Variants in NUDT9 observed in about 807,000 individuals in gnomAD.
The protein encoded by NUDT9 is nudix hydrolase 9, also known as ADP-ribose pyrophosphatase.
A neutral mutation model predicts 41.0 loss-of-function variants in NUDT9; 31 were observed. The observed-to-expected ratio is 0.76, with a 90% CI of 0.57 to 1.02. The LOEUF is 1.02. NUDT9 is among the 50% of genes least tolerant of loss of function. The pLI is 0.00. For missense variants in NUDT9, 380 were observed against 431.4 expected (o/e 0.88, Z 1.06); for synonymous variants, 146 against 147.6 (o/e 0.99, Z 0.08).
At position 87,437,845 on chromosome 4, in the gene NUDT9, T is replaced by C. The variant is rs1313406924; in HGVS notation, c.348-432T>C. 5.3e-5 allele frequency among the ~76,000 whole-genome samples: 8 copies of C among 152,302 alleles called. No homozygotes were observed. The East Asian group carries it at 1.5e-3, about 29-fold the overall frequency. ...TTACTCTGATAAGAATATTAATCAG[T>C]GTGCATTTGAAGAAATTTAAATTAT... On this transcript the variant is annotated intron_variant, in intron 2 of 7. Coordinates refer to ENST00000302174, the MANE Select transcript of NUDT9 (RefSeq NM_024047.5).
At chr4:87,434,689 A>G (rs771184881) in intron 1 of NUDT9, among the ~76,000 whole-genome samples, 5 of 151,460 alleles carry the variant, frequency 3.3e-5, no homozygotes, top group South Asian at 2.1e-4. Flanking sequence ...TTGGAGTGCA[A>G]TGGCGCGATG....
Position 87,437,533 on chromosome 4 carries a change from G to A in NUDT9, c.348-744G>A, listed in dbSNP as rs371684481. The stretch of plus-strand genomic sequence containing the variant: ...TTTTTTGTATTTTTTTAGTAGAGAT[G>A]GGGTTCCACCATGTTAGCCAGGATG... On this transcript the variant is annotated intron_variant, in intron 2 of 7. Transcript: ENST00000302174. Among the ~76,000 whole-genome samples the A allele has an allele frequency of 1.5e-4, 22 of 151,504 alleles. No individual in the cohort carries two copies. In the South Asian group the frequency reaches 1.5e-3, roughly 10 times the overall value.
chr4:87,435,869 A>G (rs547643902), intron 2 of NUDT9, among the ~76,000 whole-genome samples: 2 of 152,378 alleles, frequency 1.3e-5, no homozygotes, highest in East Asian at 1.9e-4. Context: ...TGACATACAT[A>G]TACATTGTGA....
In NUDT9 at chr4:87,435,035, T is replaced by G; in HGVS notation, c.162T>G (p.Ser54=). ...FHLNTNVMSG[S]NGSKENSHNK... ...TTAATACCAACGTCATGTCTGGTTCTAATGGTTCCAAAGAAAATTCTCACA... is the reference window on the plus strand; with the variant it reads ...TTAATACCAACGTCATGTCTGGTTCGAATGGTTCCAAAGAAAATTCTCACA... Residue 54 remains serine, a synonymous_variant, in exon 2 of 8, where the codon TCT becomes TCG. Transcript: ENST00000302174. The G allele has an allele frequency of 6.2e-7, 1 of 1,614,088 alleles. No homozygotes were observed. The highest frequency in any genetic ancestry group is 8.5e-7 in the Non-Finnish European group (1 of 1,179,954).
rs1721868121 is a variant in NUDT9, at chr4:87,435,110, G to T, written c.237G>T (p.Gln79His). ...CAGGTTCAAAAGTTGAACGAAGCCA[G>T]GTTCCTAATGAGAAAGTGGGCTGGC... Reference protein sequence around the residue: ...PYPGSKVERSQVPNEKVGWLV... With the variant: ...PYPGSKVERSHVPNEKVGWLV... Residue 79 changes from glutamine to histidine, a missense_variant, in exon 2 of 8, where the codon CAG (glutamine) becomes CAT (histidine). Physicochemically the swap from Gln to His is conservative, Grantham distance 24 (BLOSUM62 0). Coordinates refer to ENST00000302174, the MANE Select transcript of NUDT9 (RefSeq NM_024047.5). 6.2e-7 allele frequency: 1 copy of T among 1,614,064 alleles called. No homozygotes were observed. Among genetic ancestry groups the T allele is most frequent in the Admixed American group, 1.7e-5 (1 of 59,986 alleles).
In NUDT9 at chr4:87,422,634, TC is replaced by T. The variant is rs372738289; in HGVS notation, c.-268del. The T allele has an allele frequency of 5.0e-5, 17 of 341,202 alleles. No homozygotes were observed. The highest frequency in any genetic ancestry group is 3.2e-4 in the African/African-American group (15 of 47,164). The allele number at this position is 341,202 out of a possible 1,614,324, so 21.1% of individuals were successfully genotyped here. On this transcript the variant is annotated 5_prime_UTR_variant, in exon 1 of 8. Coordinates refer to ENST00000302174, the MANE Select transcript of NUDT9 (RefSeq NM_024047.5). The stretch of plus-strand genomic sequence containing the variant: ...AGTTACGAGGTTCGTGGCCGCGGTT[TC>T]CCCAGGCAGCTGGCGCTGGAGGCTT...
intron 4 of NUDT9, among the ~76,000 whole-genome samples, 180 bp downstream of exon 4, chr4:87,442,095 C>G (rs1238953470): frequency 2.0e-5 from 3 of 152,054 alleles, no homozygotes; most frequent in Non-Finnish European, 4.4e-5. Flanking sequence ...CTGAGAAATG[C>G]ATTATTAGGT....
At chr4:87,428,617 T>C (rs1003322056) in intron 1 of NUDT9, among the ~76,000 whole-genome samples, 5 of 152,144 alleles carry the variant, frequency 3.3e-5, no homozygotes, top group Non-Finnish European at 7.4e-5. Context: ...TATTATTAAC[T>C]GAAGGAAAGG....
chr4:87,433,530 T>C (rs1398678644), intron 1 of NUDT9, among the ~76,000 whole-genome samples: 3 of 152,216 alleles, frequency 2.0e-5, no homozygotes, highest in Non-Finnish European at 4.4e-5. Context: ...GTCCACAACC[T>C]TGGTCAAGTG....
chr4:87,439,347 A>G (rs976871588), intron 3 of NUDT9, among the ~76,000 whole-genome samples: 1 of 151,248 alleles, frequency 6.6e-6, no homozygotes, highest in Non-Finnish European at 1.5e-5. Context: ...GTAAAGGGGG[A>G]AGAGCCCCTT....
intron 3 of NUDT9, among the ~76,000 whole-genome samples, chr4:87,441,086 A>G (rs1325546406): frequency 2.0e-5 from 3 of 152,202 alleles, no homozygotes; most frequent in Admixed American, 6.5e-5. Flanking sequence ...AATTTTGGCA[A>G]GTTGTTTATT....
chr4:87,440,404 A>G (rs377585952), intron 3 of NUDT9, among the ~76,000 whole-genome samples: 2 of 152,186 alleles, frequency 1.3e-5, no homozygotes, highest in Non-Finnish European at 2.9e-5. Flanking sequence ...GCGAATAACC[A>G]TCTGTGCTTT....
chr4:87,423,349 A>G (rs60725635), intron 1 of NUDT9, among the ~76,000 whole-genome samples: 11,048 of 152,224 alleles, frequency 0.073, 1,319 homozygotes, highest in African/African-American at 0.25. Context: ...GTATTAATAC[A>G]TGTACATAGT....
Position 87,422,954 on chromosome 4 carries a change from C to CTGGCAT in NUDT9, c.53_54insATTGGC (p.Leu19_Ala20dup). 6.2e-7 allele frequency: 1 copy of CTGGCAT among 1,613,242 alleles called. No individual in the cohort carries two copies. The highest frequency in any genetic ancestry group is 8.5e-7 in the Non-Finnish European group (1 of 1,179,832). On this transcript the variant is annotated inframe_insertion, in exon 1 of 8. Transcript: ENST00000302174. ...GGCTTTAGCCGCGGTGTCTCTCTCT[C>CTGGCAT]TGGCCTTGGCCTCTGTGACTATCAG...
chr4:87,438,417 A>G, intron 3 of NUDT9, 45 bp downstream of exon 3: 1 of 1,027,338 alleles, frequency 9.7e-7, no homozygotes, highest in Non-Finnish European at 1.5e-6. Flanking sequence ...AGTCACCAAA[A>G]AGTAGAAAAG....
chr4:87,454,525 A>G, intron 7 of NUDT9, 70 bp downstream of exon 7: 1 of 998,332 alleles, frequency 1.0e-6, no homozygotes. Flanking sequence ...CTAAGGCATG[A>G]TTAAATCTGG....
At chr4:87,437,593 T>C (rs544321799) in intron 2 of NUDT9, among the ~76,000 whole-genome samples, 8 of 152,072 alleles carry the variant, frequency 5.3e-5, no homozygotes, top group East Asian at 2.0e-4. Context: ...CTGCCCACCT[T>C]GGCCTCCCAA....
intron 3 of NUDT9, among the ~76,000 whole-genome samples, chr4:87,439,974 ACTC>A (rs1722132943): frequency 6.6e-6 from 1 of 151,962 alleles, no homozygotes; most frequent in African/African-American, 2.4e-5. Context: ...AAATGGTAGT[ACTC>A]CTCTCATCTC....
At chr4:87,432,186 G>T (rs115311975) in intron 1 of NUDT9, among the ~76,000 whole-genome samples, 4,887 of 152,250 alleles carry the variant, frequency 0.032, 101 homozygotes, top group African/African-American at 0.067. Flanking sequence ...TCAGGTTTTG[G>T]AATATTCACA....
Sources: gnomAD v4.1 joint callset for allele counts (sites outside exome capture counted in the v4.1 genomes callset) on GRCh38, gnomAD v4.1.1 for gene constraint, MANE v1.5 for transcripts, NCBI Gene and HGNC (gene_info 2026-07-23, HGNC 2026-07-21) for gene names.